ANO4: variants seen among roughly 807,000 people sequenced by gnomAD.
ANO4 encodes anoctamin-4.
ANO4 carries 69 observed loss-of-function variants against 141.9 expected under a neutral mutation model. That is an observed-to-expected ratio of 0.49 (90% confidence interval 0.40 to 0.59). The LOEUF is 0.59. Ranked by LOEUF, ANO4 falls within the 20% of genes least tolerant of loss-of-function variation. ANO4 has a pLI of 0.00. For synonymous variants in ANO4, 350 were observed against 394.3 expected, an observed-to-expected ratio of 0.89 and a Z score of 1.33; for missense variants, 894 against 1,162.2, an observed-to-expected ratio of 0.77 and a Z score of 3.36.
intron 3 of ANO4, among the ~76,000 whole-genome samples, chr12:100,762,283 T>A (rs539649317): frequency 1.3e-5 from 2 of 152,162 alleles, no homozygotes; most frequent in Admixed American, 6.6e-5. Flanking sequence ...CCACCTTTTT[T>A]CCTGATAGAG....
chr12:101,045,632 A>G (rs1202933447), intron 13 of ANO4, among the ~76,000 whole-genome samples: 1 of 152,184 alleles, frequency 6.6e-6, no homozygotes, highest in Non-Finnish European at 1.5e-5. Flanking sequence ...TGTGTTTGCA[A>G]GAATCAGAAA....
At chr12:100,973,450 G>A (rs1265712025) in intron 6 of ANO4, among the ~76,000 whole-genome samples, 2 of 152,074 alleles carry the variant, frequency 1.3e-5, no homozygotes, top group Non-Finnish European at 2.9e-5. Context: ...TCCCTATAAT[G>A]TTTAAAAGGA....
At chr12:100,892,326 A>C (rs895487016) in intron 1 of ANO4, among the ~76,000 whole-genome samples, 2 of 152,182 alleles carry the variant, frequency 1.3e-5, no homozygotes, top group African/African-American at 4.8e-5. Context: ...AAAAAATCTC[A>C]GGTTGTTTTC....
At chr12:100,721,500 A>G (rs2136726617) in intron 1 of ANO4, among the ~76,000 whole-genome samples, 1 of 152,252 alleles carries the variant, frequency 6.6e-6, no homozygotes, top group South Asian at 2.1e-4. Flanking sequence ...AAGGGGAGAA[A>G]TGTCAGGGGT....
At chr12:101,113,582 G>A (rs1413490444) in intron 24 of ANO4, among the ~76,000 whole-genome samples, 1 of 151,970 alleles carries the variant, frequency 6.6e-6, no homozygotes, top group East Asian at 1.9e-4. Flanking sequence ...TTAAATTTAT[G>A]TATGTTTCTT....
intron 14 of ANO4, among the ~76,000 whole-genome samples, chr12:101,049,583 A>T (rs150246022): frequency 4.1e-4 from 63 of 151,866 alleles, no homozygotes; most frequent in African/African-American, 1.4e-3. Flanking sequence ...GGATGGATGG[A>T]TGGAAGGAAA....
At chr12:101,029,903 C>T (rs187929682) in intron 9 of ANO4, among the ~76,000 whole-genome samples, 645 of 8,982 alleles carry the variant, frequency 0.072, 7 homozygotes, top group African/African-American at 0.4. Flanking sequence ...AGCAAGTCTC[C>T]GTCTAAAAAA....
At chr12:100,903,534 T>C (rs1293710968) in intron 2 of ANO4, among the ~76,000 whole-genome samples, 1 of 152,226 alleles carries the variant, frequency 6.6e-6, no homozygotes, top group East Asian at 1.9e-4. Flanking sequence ...TGCCCTCTTC[T>C]TCCTTAAGCT....
At chr12:101,103,903 TA>T (rs1467668955) in intron 22 of ANO4, among the ~76,000 whole-genome samples, 1 of 151,766 alleles carries the variant, frequency 6.6e-6, no homozygotes, top group Non-Finnish European at 1.5e-5. Context: ...TTTTACTTAA[TA>T]GATATAGGAC....
intron 1 of ANO4, among the ~76,000 whole-genome samples, chr12:100,886,828 C>G (rs2039857176): frequency 6.6e-6 from 1 of 151,958 alleles, no homozygotes; most frequent in East Asian, 1.9e-4. Context: ...CAGAAAAAAA[C>G]ATGCTGACCC....
At chr12:100,919,074 A>G (rs1285136000) in intron 2 of ANO4, among the ~76,000 whole-genome samples, 1 of 152,204 alleles carries the variant, frequency 6.6e-6, no homozygotes, top group Non-Finnish European at 1.5e-5. Context: ...GGATATAAAG[A>G]AAGAAAATAT....
rs542553507 is a variant in ANO4, at chr12:100,937,526, A to G, written c.161-1789A>G. 7.9e-5 allele frequency among the ~76,000 whole-genome samples: 12 copies of G among 152,272 alleles called. No homozygotes were observed. The East Asian group carries it at 2.3e-3, about 29-fold the overall frequency. On this transcript the variant is annotated intron_variant, in intron 3 of 27. Coordinates refer to ENST00000392977, the MANE Select transcript of ANO4 (RefSeq NM_001286615.2). ...CCTCTCCATAAGCACCTAGCACAGT[A>G]CCTGGCACAATGTAGGTGCTACAAC...
intron 22 of ANO4, among the ~76,000 whole-genome samples, chr12:101,104,164 A>G (rs972996506): frequency 3.3e-5 from 5 of 151,910 alleles, no homozygotes; most frequent in Admixed American, 2.0e-4. Context: ...TAATCTTTTC[A>G]AAAGAAAAAC....
chr12:101,109,974 C>T (rs2050598826), intron 22 of ANO4, among the ~76,000 whole-genome samples: 1 of 152,086 alleles, frequency 6.6e-6, no homozygotes, highest in Non-Finnish European at 1.5e-5. Flanking sequence ...ACAAATTGTT[C>T]CAGATTTGGC....
At chr12:100,967,919 G>A (rs1467011544) in intron 5 of ANO4, among the ~76,000 whole-genome samples, 2 of 152,126 alleles carry the variant, frequency 1.3e-5, no homozygotes, top group African/African-American at 4.8e-5. Flanking sequence ...TAAAAGGTGA[G>A]GGTATGGAAT....
At chr12:100,864,993 G>A (rs529568053) in intron 1 of ANO4, among the ~76,000 whole-genome samples, 3 of 152,216 alleles carry the variant, frequency 2.0e-5, no homozygotes, top group South Asian at 2.1e-4. Flanking sequence ...CTTCATCCAT[G>A]GTGTATATGT....
chr12:101,082,004 C>T (rs990872870), intron 15 of ANO4, among the ~76,000 whole-genome samples: 7 of 152,158 alleles, frequency 4.6e-5, no homozygotes, highest in Non-Finnish European at 8.8e-5. Context: ...AGGACTTCAG[C>T]AGATGAATTT....
chr12:100,917,657 G>T (rs2041408894), intron 2 of ANO4, among the ~76,000 whole-genome samples: 4 of 152,116 alleles, frequency 2.6e-5, no homozygotes, highest in Admixed American at 2.0e-4. Context: ...TTGTTTTACA[G>T]CTCCCTCTCC....
chr12:101,034,384 A>G lies in ANO4; in HGVS notation c.842-2711A>G, dbSNP rs2136575783. Among the ~76,000 whole-genome samples, 2 of 152,330 alleles carry G rather than the reference A, an allele frequency of 1.3e-5. 1 individual carries two copies. Among genetic ancestry groups the G allele is most frequent in the Non-Finnish European group, 2.9e-5 (2 of 68,034 alleles). The stretch of plus-strand genomic sequence containing the variant: ...ACCATCATCCTCAGCAAACTAAGAC[A>G]GGAACAGAAAACCAAACACTGCATG... On this transcript the variant is annotated intron_variant, in intron 9 of 27. Coordinates refer to ENST00000392977, the MANE Select transcript of ANO4 (RefSeq NM_001286615.2).
Sources: allele counts gnomAD v4.1 joint callset (sites outside exome capture counted in the v4.1 genomes callset), GRCh38; gene constraint gnomAD v4.1.1; transcripts MANE v1.5; gene names NCBI Gene and HGNC (gene_info 2026-07-23, HGNC 2026-07-21).